AGMO: variants seen among roughly 807,000 people sequenced by gnomAD.
AGMO encodes glyceryl-ether monooxygenase.
In AGMO, 75 loss-of-function variants were observed where a neutral mutation model predicts 60.2. The ratio of observed to expected loss-of-function variants is 1.25; its 90% CI spans 1.03 to 1.51. The LOEUF (loss-of-function observed/expected upper bound fraction) is 1.51, where lower values mean the gene tolerates loss of function less well. Ranked by LOEUF, AGMO falls within the 40% of genes most tolerant of loss-of-function variation. The probability of loss-of-function intolerance (pLI) is 0.00; values close to 1 mark genes in which losing one functional copy is unlikely to be tolerated. For missense variants in AGMO, 763 were observed against 525.5 expected, an observed-to-expected ratio of 1.45 and a Z score of -4.42; for synonymous variants, 261 against 177.1, an observed-to-expected ratio of 1.47 and a Z score of -3.76.
At chr7:15,395,859 A>G (rs1009810817) in intron 5 of AGMO, among the ~76,000 whole-genome samples, 2 of 152,196 alleles carry the variant, frequency 1.3e-5, no homozygotes, top group African/African-American at 4.8e-5. Flanking sequence ...CTCTGGCATT[A>G]AAACACCCAA....
chr7:15,416,823 T>C (rs1780787444), intron 5 of AGMO, among the ~76,000 whole-genome samples: 2 of 152,188 alleles, frequency 1.3e-5, no homozygotes, highest in Non-Finnish European at 2.9e-5. Context: ...TTTTTACTTA[T>C]TAATCTGTGT....
rs118141677 is a variant in AGMO at position 15,287,259 on chromosome 7, G to A, written c.1263+78255C>T. ...ATTTTTTAAAAAACATGAAACCATG[G>A]GCAAAAATTAATAGAAATTATCAAA... On this transcript the variant is annotated intron_variant, in intron 12 of 12. Coordinates refer to ENST00000342526, the MANE Select transcript of AGMO (RefSeq NM_001004320.2). 3.5e-4 allele frequency among the ~76,000 whole-genome samples: 53 copies of A among 151,950 alleles called. 1 individual carries two copies. In the East Asian group the frequency reaches 9.7e-3, roughly 28 times the overall value.
At chr7:15,135,562 CT>C in the AGMO span, among the ~76,000 whole-genome samples, 21 of 152,100 alleles carry the variant, frequency 1.4e-4, no homozygotes, top group African/African-American at 4.6e-4. Context: ...CATAATACTG[CT>C]GTAAAATCTG....
chr7:15,252,958 A>G (rs1376728595), intron 12 of AGMO, among the ~76,000 whole-genome samples: 1 of 152,212 alleles, frequency 6.6e-6, no homozygotes, highest in Non-Finnish European at 1.5e-5. Flanking sequence ...CTGGTAAAAG[A>G]TAAAATAAAT....
chr7:15,191,884 A>G, the AGMO span, among the ~76,000 whole-genome samples: 1 of 151,934 alleles, frequency 6.6e-6, no homozygotes, highest in African/African-American at 2.4e-5. Context: ...ATATTTATGA[A>G]TGGCTTACAT....
the AGMO span, among the ~76,000 whole-genome samples, chr7:15,166,283 G>C: frequency 6.6e-6 from 1 of 152,120 alleles, no homozygotes; most frequent in Non-Finnish European, 1.5e-5. Flanking sequence ...GATGAATGAA[G>C]AGTGAGCCCT....
At chr7:15,411,557 A>T (rs1389803351) in intron 5 of AGMO, among the ~76,000 whole-genome samples, 2 of 152,060 alleles carry the variant, frequency 1.3e-5, no homozygotes, top group African/African-American at 4.8e-5. Flanking sequence ...GTGTATTTAC[A>T]ATATTCATAT....
intron 12 of AGMO, among the ~76,000 whole-genome samples, chr7:15,303,798 A>G (rs574082135): frequency 1.3e-5 from 2 of 152,270 alleles, no homozygotes; most frequent in East Asian, 1.9e-4. Context: ...ACAAGGAAAT[A>G]CATGTATGTA....
chr7:15,255,900 A>G (rs1483571084), intron 12 of AGMO, among the ~76,000 whole-genome samples: 3 of 152,198 alleles, frequency 2.0e-5, no homozygotes, highest in African/African-American at 7.2e-5. Flanking sequence ...AGACGGTTGA[A>G]AATATACACA....
At chr7:15,231,332 G>C (rs569580418) in intron 12 of AGMO, among the ~76,000 whole-genome samples, 1 of 152,196 alleles carries the variant, frequency 6.6e-6, no homozygotes, top group African/African-American at 2.4e-5. Context: ...TAGTTTGATG[G>C]ACTCTGCTTC....
chr7:15,312,804 G>A (rs1780805909), intron 12 of AGMO, among the ~76,000 whole-genome samples: 1 of 151,564 alleles, frequency 6.6e-6, no homozygotes, highest in South Asian at 2.1e-4. Context: ...GAGTAGCTGG[G>A]ACCACAGCTG....
At chr7:15,220,344 C>G (rs1474567697) in intron 12 of AGMO, among the ~76,000 whole-genome samples, 1 of 151,292 alleles carries the variant, frequency 6.6e-6, no homozygotes, top group African/African-American at 2.4e-5. Flanking sequence ...CTCAGCCTCC[C>G]AAGTGGCTGG....
the AGMO span, among the ~76,000 whole-genome samples, chr7:15,192,391 C>T: frequency 2.6e-5 from 4 of 152,072 alleles, no homozygotes; most frequent in African/African-American, 9.6e-5. Flanking sequence ...GAGAGGAGTT[C>T]GGCTGGGGAT....
intron 5 of AGMO, among the ~76,000 whole-genome samples, chr7:15,408,306 T>G (rs1784757620): frequency 6.6e-6 from 1 of 151,900 alleles, no homozygotes; most frequent in Non-Finnish European, 1.5e-5. Flanking sequence ...TTTTTTCTCA[T>G]GTTAGGAGCA....
chr7:15,421,916 C>T (rs762229139), intron 4 of AGMO, among the ~76,000 whole-genome samples: 2 of 151,882 alleles, frequency 1.3e-5, no homozygotes, highest in African/African-American at 2.4e-5. Flanking sequence ...GAAAGAGTTG[C>T]AGTAAATGAG....
the AGMO span, among the ~76,000 whole-genome samples, chr7:15,126,690 C>A: frequency 3.3e-5 from 5 of 152,032 alleles, no homozygotes; most frequent in South Asian, 1.0e-3. Flanking sequence ...GGAAGAAAAT[C>A]AAAATATTTT....
At chr7:15,471,512 G>A (rs1477579494) in intron 3 of AGMO, among the ~76,000 whole-genome samples, 2 of 151,786 alleles carry the variant, frequency 1.3e-5, no homozygotes, top group African/African-American at 4.8e-5. Context: ...AACCACACTT[G>A]GCAGGGCATA....
intron 10 of AGMO, among the ~76,000 whole-genome samples, chr7:15,372,514 T>C (rs1783261029): frequency 6.6e-6 from 1 of 152,178 alleles, no homozygotes; most frequent in South Asian, 2.1e-4. Context: ...ATTGAATATG[T>C]GCTGGGCACT....
intron 12 of AGMO, among the ~76,000 whole-genome samples, chr7:15,268,797 G>GGACTA (rs1236658086): frequency 6.6e-6 from 1 of 151,904 alleles, no homozygotes; most frequent in Admixed American, 6.6e-5. Context: ...TGAGGCAGGT[G>GGACTA]GACTAGACAA....
Sources: allele counts gnomAD v4.1 joint callset (sites outside exome capture counted in the v4.1 genomes callset), GRCh38; gene constraint gnomAD v4.1.1; transcripts MANE v1.5; gene names NCBI Gene and HGNC (gene_info 2026-07-23, HGNC 2026-07-21).